Variants in WWOX observed in about 807,000 individuals in gnomAD.
The protein encoded by WWOX is WW domain containing oxidoreductase.
WWOX carries 69 observed loss-of-function variants against 46.2 expected under a neutral mutation model. The observed-to-expected ratio is 1.49, with a 90% CI of 1.23 to 1.82. The LOEUF is 1.82. WWOX is among the 40% of genes most tolerant of loss of function. WWOX has a pLI of 0.00. For missense variants in WWOX, 919 were observed against 542.6 expected (o/e 1.69, Z -6.89); for synonymous variants, 359 against 202.6 (o/e 1.77, Z -6.56).
intron 7 of WWOX, among the ~76,000 whole-genome samples, chr16:78,427,483 T>A (rs2083110868): frequency 6.6e-6 from 1 of 152,094 alleles, no homozygotes; most frequent in South Asian, 2.1e-4. Flanking sequence ...TGCAGCTGCA[T>A]GGAGTGCCAA....
chr16:78,359,460 TATAA>T (rs1567523192), intron 5 of WWOX, among the ~76,000 whole-genome samples: 1 of 152,144 alleles, frequency 6.6e-6, no homozygotes, highest in East Asian at 1.9e-4. Flanking sequence ...TTAGAAAACA[TATAA>T]AGGATCGATA....
chr16:78,737,917 T>C (rs2049127954), intron 8 of WWOX, among the ~76,000 whole-genome samples: 1 of 152,128 alleles, frequency 6.6e-6, no homozygotes, highest in East Asian at 1.9e-4. Context: ...GTCATTTCCC[T>C]ATATCAGTAT....
intron 8 of WWOX, among the ~76,000 whole-genome samples, chr16:78,505,329 G>C (rs947629935): frequency 3.3e-5 from 5 of 152,176 alleles, no homozygotes; most frequent in African/African-American, 4.8e-5. Flanking sequence ...CTTCTGGCTT[G>C]ACAATGCCTT....
intron 5 of WWOX, chr16:78,168,380 G>A (rs537683547): frequency 6.6e-6 from 1 of 151,780 alleles, no homozygotes; most frequent in Non-Finnish European, 1.5e-5. Context: ...CCTGTCATAT[G>A]CTGTGTCAGG....
intron 8 of WWOX, among the ~76,000 whole-genome samples, chr16:78,617,552 G>A (rs145952537): frequency 5.3e-5 from 8 of 152,292 alleles, no homozygotes; most frequent in African/African-American, 1.2e-4. Flanking sequence ...AAGCACCCAC[G>A]TCTTTCTCTG....
At chr16:78,890,744 C>T (rs998694274) in intron 8 of WWOX, 1 of 152,188 alleles carries the variant, frequency 6.6e-6, no homozygotes, top group Non-Finnish European at 1.5e-5. Flanking sequence ...TCCTCATTCA[C>T]TTTCTGTTTT....
At chr16:78,189,901 C>T (rs554278977) in intron 5 of WWOX, among the ~76,000 whole-genome samples, 2 of 152,234 alleles carry the variant, frequency 1.3e-5, no homozygotes, top group Middle Eastern at 3.4e-3. Context: ...GTGATCCACC[C>T]ACCTCGGCCT....
chr16:78,324,733 A>G (rs558563580), intron 5 of WWOX, among the ~76,000 whole-genome samples: 20 of 139,214 alleles, frequency 1.4e-4, no homozygotes, highest in Admixed American at 4.4e-4. Context: ...TGTCCAGAAC[A>G]GAGAAATTTA....
chr16:78,363,952 C>G (rs1333381662), intron 5 of WWOX, among the ~76,000 whole-genome samples: 3 of 152,192 alleles, frequency 2.0e-5, no homozygotes, highest in Admixed American at 2.0e-4. Context: ...ATGCCTGTCA[C>G]TCTTGCTGAC....
intron 8 of WWOX, among the ~76,000 whole-genome samples, chr16:78,456,684 TAAC>T (rs1248026844): frequency 3.3e-5 from 5 of 152,210 alleles, no homozygotes; most frequent in Non-Finnish European, 7.3e-5. Flanking sequence ...TGATGACTCT[TAAC>T]AAAGGATGTA....
intron 1 of WWOX, among the ~76,000 whole-genome samples, chr16:78,101,793 A>G (rs1567569061): frequency 6.6e-6 from 1 of 152,236 alleles, no homozygotes; most frequent in African/African-American, 2.4e-5. Context: ...ACACACAGGT[A>G]TTATGTGACA....
chr16:78,896,273 C>T (rs185864347), intron 8 of WWOX: 1 of 150,234 alleles, frequency 6.7e-6, no homozygotes, highest in Admixed American at 6.6e-5. Flanking sequence ...TGTAAATTTG[C>T]TTAGTCATTT....
intron 8 of WWOX, among the ~76,000 whole-genome samples, chr16:79,025,825 T>G (rs1376703178): frequency 2.7e-5 from 4 of 148,906 alleles, no homozygotes; most frequent in African/African-American, 7.4e-5. Flanking sequence ...TGAGACGGAG[T>G]TTTGCTCTTG....
chr16:78,230,743 A>G (rs1274330020), intron 5 of WWOX, among the ~76,000 whole-genome samples: 2 of 152,178 alleles, frequency 1.3e-5, no homozygotes, highest in Admixed American at 6.5e-5. Context: ...CACTTTGAGC[A>G]GGGGAGGCAT....
chr16:78,972,120 C>T (rs1264242050), intron 8 of WWOX, among the ~76,000 whole-genome samples: 2 of 152,176 alleles, frequency 1.3e-5, no homozygotes, highest in Admixed American at 1.3e-4. Flanking sequence ...GGCTGTCGTC[C>T]TGCATTGGAG....
chr16:78,172,247 A>G (rs1490894760), intron 5 of WWOX, among the ~76,000 whole-genome samples: 1 of 152,190 alleles, frequency 6.6e-6, no homozygotes, highest in African/African-American at 2.4e-5. Flanking sequence ...AATCTGAGGG[A>G]GTTGATGAAC....
At chr16:78,561,229 C>A (rs1490470357) in intron 8 of WWOX, among the ~76,000 whole-genome samples, 2 of 152,186 alleles carry the variant, frequency 1.3e-5, no homozygotes, top group African/African-American at 2.4e-5. Flanking sequence ...CAGAAACTCT[C>A]TTGTGCATGG....
At chr16:78,360,849 C>A (rs946590237) in intron 5 of WWOX, among the ~76,000 whole-genome samples, 4 of 150,266 alleles carry the variant, frequency 2.7e-5, no homozygotes, top group African/African-American at 9.8e-5. Flanking sequence ...GAGACACGGT[C>A]TCACTCTGTC....
intron 6 of WWOX, among the ~76,000 whole-genome samples, chr16:78,408,865 C>G (rs370444399): frequency 6.6e-6 from 1 of 152,074 alleles, no homozygotes; most frequent in Non-Finnish European, 1.5e-5. Context: ...TCTCAGTGGA[C>G]CACTCAAGGA....
Sources: allele counts gnomAD v4.1 joint callset (sites outside exome capture counted in the v4.1 genomes callset), GRCh38; gene constraint gnomAD v4.1.1; transcripts MANE v1.5; gene names NCBI Gene and HGNC (gene_info 2026-07-23, HGNC 2026-07-21).